STAMBPL1: variants seen among roughly 807,000 people sequenced by gnomAD.
STAMBPL1 encodes STAM binding protein like 1.
In STAMBPL1, 44 loss-of-function variants were observed where a neutral mutation model predicts 52.9. That is an observed-to-expected ratio of 0.83 (90% confidence interval 0.65 to 1.07). The LOEUF (loss-of-function observed/expected upper bound fraction) is 1.07. STAMBPL1 is among the 50% of genes least tolerant of loss of function. The probability of loss-of-function intolerance (pLI) is 0.00; values close to 1 mark genes in which losing one functional copy is unlikely to be tolerated. For synonymous variants in STAMBPL1, 164 were observed against 177.3 expected, an observed-to-expected ratio of 0.92 and a Z score of 0.60; for missense variants, 511 against 520.8, an observed-to-expected ratio of 0.98 and a Z score of 0.18.
chr10:88,908,797 C>G lies in STAMBPL1; in HGVS notation c.324+20C>G. ...ATGAAGGTATTGTGGGTTTTCTTCT[C>G]CACTGTGGAATCAAATGCTCCATAA... On this transcript the variant is annotated intron_variant, in intron 4 of 10. Transcript: ENST00000371926. 3 of 1,580,358 alleles carry G rather than the reference C, an allele frequency of 1.9e-6. No individual in the cohort carries two copies. Among genetic ancestry groups the G allele is most frequent in the Non-Finnish European group, 2.6e-6 (3 of 1,161,434 alleles).
At chr10:88,914,418 C>T in intron 6 of STAMBPL1, 116 bp from the exon 7 acceptor site, 1 of 709,108 alleles carries the variant, frequency 1.4e-6, no homozygotes. Context: ...AAGTGGAACA[C>T]CTGATACTTT....
rs567711418 is a variant in STAMBPL1 at position 88,922,112 on chromosome 10, G to A, written c.1155-225G>A. Among the ~76,000 whole-genome samples, 93 of 151,970 alleles carry A rather than the reference G, an allele frequency of 6.1e-4. 1 individual carries two copies. In the South Asian group the frequency reaches 0.013, roughly 21 times the overall value. Reference sequence around the variant, plus strand: ...TCACACACGATAGCTTATTTGCCTTGTCCCCTTAACGGTCCTGCAGGCTCT... The same window carrying A: ...TCACACACGATAGCTTATTTGCCTTATCCCCTTAACGGTCCTGCAGGCTCT... On this transcript the variant is annotated intron_variant, in intron 9 of 10. Coordinates refer to ENST00000371926, the MANE Select transcript of STAMBPL1 (RefSeq NM_020799.4).
At chr10:88,888,589 A>G (rs1844598357) in intron 1 of STAMBPL1, among the ~76,000 whole-genome samples, 1 of 152,208 alleles carries the variant, frequency 6.6e-6, no homozygotes, top group African/African-American at 2.4e-5. Context: ...GTTATGGTGT[A>G]TACATGAAGG....
At chr10:88,920,403 G>A (rs1845479887) in intron 8 of STAMBPL1, among the ~76,000 whole-genome samples, 1 of 152,188 alleles carries the variant, frequency 6.6e-6, no homozygotes, top group Admixed American at 6.5e-5. Flanking sequence ...GATGAAATGG[G>A]CAAGAGAAGG....
intron 1 of STAMBPL1, among the ~76,000 whole-genome samples, chr10:88,891,576 A>G (rs1362845110): frequency 1.3e-5 from 2 of 152,236 alleles, no homozygotes; most frequent in Non-Finnish European, 2.9e-5. Context: ...TTAAACAAAT[A>G]TCACGATTAA....
intron 1 of STAMBPL1, chr10:88,882,591 A>G (rs1029923173): frequency 6.6e-6 from 1 of 152,234 alleles, no homozygotes; most frequent in South Asian, 2.1e-4. Context: ...AATAATGTAG[A>G]TTCCGTCCAG....
intron 3 of STAMBPL1, among the ~76,000 whole-genome samples, chr10:88,908,077 T>A (rs1224968949): frequency 6.6e-6 from 1 of 152,254 alleles, no homozygotes; most frequent in African/African-American, 2.4e-5. Flanking sequence ...GCCTTTGTGG[T>A]AGCAGTTTCT....
intron 10 of STAMBPL1, among the ~76,000 whole-genome samples, 155 bp downstream of exon 10, chr10:88,922,591 A>T (rs886256237): frequency 6.6e-6 from 1 of 152,156 alleles, no homozygotes; most frequent in Non-Finnish European, 1.5e-5. Flanking sequence ...CTGTATACTT[A>T]ATTTCTGATT....
intron 1 of STAMBPL1, among the ~76,000 whole-genome samples, chr10:88,886,905 C>T (rs959506744): frequency 2.0e-5 from 3 of 151,852 alleles, no homozygotes; most frequent in Non-Finnish European, 4.4e-5. Flanking sequence ...AAATTTGGCT[C>T]ATCTGAGGAC....
chr10:88,904,135 T>C (rs1845014834), intron 2 of STAMBPL1, among the ~76,000 whole-genome samples: 1 of 152,226 alleles, frequency 6.6e-6, no homozygotes, highest in Non-Finnish European at 1.5e-5. Flanking sequence ...GTAGTCAGAC[T>C]TGCAACCTAC....
chr10:88,893,539 C>T (rs902097458), intron 1 of STAMBPL1, among the ~76,000 whole-genome samples: 9 of 152,008 alleles, frequency 5.9e-5, no homozygotes, highest in Admixed American at 1.3e-4. Flanking sequence ...GTCAGGAGTT[C>T]GAGACCAGCC....
intron 1 of STAMBPL1, among the ~76,000 whole-genome samples, chr10:88,892,586 TAAAA>T (rs1844715917): frequency 6.6e-6 from 1 of 152,208 alleles, no homozygotes; most frequent in Non-Finnish European, 1.5e-5. Context: ...GAAAACTCTT[TAAAA>T]TGGATTGCCA....
chr10:88,917,097 C>T (rs899484748), intron 8 of STAMBPL1, among the ~76,000 whole-genome samples: 2 of 152,050 alleles, frequency 1.3e-5, no homozygotes, highest in African/African-American at 4.8e-5. Context: ...TTTTTTGTAT[C>T]ATCTGAAGTT....
intron 1 of STAMBPL1, among the ~76,000 whole-genome samples, chr10:88,898,946 T>TG (rs1268715174): frequency 3.3e-5 from 5 of 152,200 alleles, no homozygotes; most frequent in Non-Finnish European, 5.9e-5. Context: ...ACTAGAGACA[T>TG]GCAGAAGTAC....
At chr10:88,911,878 T>C (rs1370549098) in intron 5 of STAMBPL1, among the ~76,000 whole-genome samples, 1 of 152,148 alleles carries the variant, frequency 6.6e-6, no homozygotes, top group African/African-American at 2.4e-5. Flanking sequence ...GAAATTTTCT[T>C]GGAGGGTAAG....
rs1477383059 is a variant in STAMBPL1, at chr10:88,908,697, C to T, written c.249-5C>T. On this transcript the variant is annotated splice_polypyrimidine_tract_variant and splice_region_variant and intron_variant, in intron 3 of 10. Transcript: ENST00000371926. ...AATGCTAAGGACATGTTTTCTCTTCCTTAGCTTATTTGTAGAAAAGCTTCC... is the reference window on the plus strand; with the variant it reads ...AATGCTAAGGACATGTTTTCTCTTCTTTAGCTTATTTGTAGAAAAGCTTCC... The T allele has an allele frequency of 1.2e-6, 2 of 1,607,422 alleles. No homozygotes were observed. Among genetic ancestry groups the T allele is most frequent in the African/African-American group, 2.7e-5 (2 of 74,436 alleles).
At chr10:88,901,864 T>G in intron 2 of STAMBPL1, 126 bp downstream of exon 2, 2 of 842,010 alleles carry the variant, frequency 2.4e-6, no homozygotes. Flanking sequence ...TTCATCCATC[T>G]GTGTGGTTGT....
chr10:88,916,082 A>T (rs949520005), intron 7 of STAMBPL1, among the ~76,000 whole-genome samples: 1 of 152,072 alleles, frequency 6.6e-6, no homozygotes, highest in Non-Finnish European at 1.5e-5. Context: ...AAGGGGGGTA[A>T]TTTGTTTTTT....
chr10:88,917,002 A>G (rs914412109), intron 8 of STAMBPL1, among the ~76,000 whole-genome samples, 185 bp downstream of exon 8: 1 of 152,178 alleles, frequency 6.6e-6, no homozygotes, highest in African/African-American at 2.4e-5. Flanking sequence ...AAAAAAATAA[A>G]GGTCATCATA....
Sources: allele counts gnomAD v4.1 joint callset (sites outside exome capture counted in the v4.1 genomes callset), GRCh38; gene constraint gnomAD v4.1.1; transcripts MANE v1.5; gene names NCBI Gene and HGNC (gene_info 2026-07-23, HGNC 2026-07-21).